Variants in PEAK1 observed in about 807,000 individuals in gnomAD.
The protein encoded by PEAK1 is inactive tyrosine-protein kinase PEAK1.
PEAK1 carries 54 observed loss-of-function variants against 124.7 expected under a neutral mutation model. The ratio of observed to expected loss-of-function variants is 0.43; its 90% CI spans 0.35 to 0.54. The LOEUF (loss-of-function observed/expected upper bound fraction) is 0.54, where lower values mean the gene tolerates loss of function less well. Among genes scored for constraint, PEAK1 ranks in the 20% least tolerant of loss-of-function variants. The probability of loss-of-function intolerance (pLI) is 0.01; values close to 1 mark genes in which losing one functional copy is unlikely to be tolerated. For synonymous variants in PEAK1, 719 were observed against 760.0 expected (o/e 0.95, Z 0.89); for missense variants, 2,046 against 2,134.5 (o/e 0.96, Z 0.82).
At chr15:77,154,172 T>C (rs575169043) in intron 8 of PEAK1, among the ~76,000 whole-genome samples, 1 of 152,354 alleles carries the variant, frequency 6.6e-6, no homozygotes, top group East Asian at 1.9e-4. Flanking sequence ...GGTGCTCCTG[T>C]ATTGGGTGCA....
chr15:77,185,352 G>T (rs938123913), intron 6 of PEAK1, among the ~76,000 whole-genome samples: 21 of 152,192 alleles, frequency 1.4e-4, no homozygotes, highest in African/African-American at 5.1e-4. Flanking sequence ...AGGCCGAAAA[G>T]AAAATAGTGA....
intron 2 of PEAK1, among the ~76,000 whole-genome samples, chr15:77,290,544 T>C (rs914729696): frequency 1.3e-5 from 2 of 151,952 alleles, no homozygotes; most frequent in Admixed American, 6.6e-5. Flanking sequence ...TAAGCCACCT[T>C]GCCCAGCTTC....
chr15:77,213,303 A>T (rs2058989944), intron 6 of PEAK1, among the ~76,000 whole-genome samples: 1 of 152,178 alleles, frequency 6.6e-6, no homozygotes, highest in Non-Finnish European at 1.5e-5. Context: ...AAACACAGAA[A>T]ATGATAATTA....
chr15:77,350,104 A>G, intron 2 of PEAK1: 1 of 985,412 alleles, frequency 1.0e-6, no homozygotes, highest in Non-Finnish European at 1.2e-6. Flanking sequence ...CATACCCCCA[A>G]ATAGGTCTCT....
intron 2 of PEAK1, chr15:77,348,081 C>A (rs2066978132): frequency 1.0e-6 from 1 of 982,708 alleles, no homozygotes; most frequent in Non-Finnish European, 1.2e-6. Flanking sequence ...TTTGGTCAGA[C>A]ATTATTCATC....
chr15:77,225,629 ATGTG>A lies in PEAK1; in HGVS notation c.-115+26734_-115+26737del, dbSNP rs146458404. Among the ~76,000 whole-genome samples, 345 of 115,702 alleles carry A rather than the reference ATGTG, an allele frequency of 3.0e-3. 3 individuals are homozygous for A. Among genetic ancestry groups the A allele is most frequent in the East Asian group, 7.9e-3 (33 of 4,200 alleles). The allele number at this position is 115,702 out of a possible 152,430, so 75.9% of individuals were successfully genotyped here. A position where few individuals can be genotyped will look rare whatever the true frequency, so the allele number is the denominator to read the frequency against. ...GAAATCTGAGCAAGACTTTCTACAGATGTGTGTGTGTGTGTGTGTGTGTGTGTGT... is the reference window on the plus strand; with the variant it reads ...GAAATCTGAGCAAGACTTTCTACAGATGTGTGTGTGTGTGTGTGTGTGTGT... On this transcript the variant is annotated intron_variant, in intron 6 of 9. Coordinates refer to ENST00000682557, the MANE Select transcript of PEAK1 (RefSeq NM_001385026.1).
At chr15:77,351,013 T>TTCTCTA in intron 2 of PEAK1, 2 of 916,532 alleles carry the variant, frequency 2.2e-6, no homozygotes, top group Non-Finnish European at 2.6e-6. Flanking sequence ...CTATTGGTAT[T>TTCTCTA]AGAGAAATAC....
chr15:77,222,307 G>C (rs2152880530), intron 6 of PEAK1, among the ~76,000 whole-genome samples: 1 of 151,960 alleles, frequency 6.6e-6, no homozygotes, highest in South Asian at 2.1e-4. Flanking sequence ...GCCTCACACT[G>C]AGAAAATTAA....
At chr15:77,278,261 A>G (rs938064400) in intron 5 of PEAK1, among the ~76,000 whole-genome samples, 2 of 152,214 alleles carry the variant, frequency 1.3e-5, no homozygotes, top group African/African-American at 4.8e-5. Flanking sequence ...ACAATGGAAC[A>G]CTACTCAGCA....
chr15:77,166,849 T>C (rs2056136525), intron 7 of PEAK1, among the ~76,000 whole-genome samples: 1 of 152,158 alleles, frequency 6.6e-6, no homozygotes, highest in Non-Finnish European at 1.5e-5. Context: ...AAAGCAGGAT[T>C]CAAACCCAGG....
chr15:77,416,943 T>C (rs147086196), intron 1 of PEAK1, among the ~76,000 whole-genome samples: 2 of 152,328 alleles, frequency 1.3e-5, no homozygotes, highest in African/African-American at 4.8e-5. Flanking sequence ...AAATTTTAAA[T>C]TGTATATGTA....
At position 77,181,411 on chromosome 15, in the gene PEAK1, G is replaced by C; in HGVS notation, c.516C>G (p.Ser172=). The C allele has an allele frequency of 6.2e-7, 1 of 1,614,114 alleles. No homozygotes were observed. The highest frequency in any genetic ancestry group is 8.5e-7 in the Non-Finnish European group (1 of 1,180,024). ...TTATTCTTCCCAAGAATGTTTCTCTGGAGTTTGTTTCATTTCCTCTTATCT... is the reference window on the plus strand; with the variant it reads ...TTATTCTTCCCAAGAATGTTTCTCTCGAGTTTGTTTCATTTCCTCTTATCT... ...APQIRGNETN[S]RETFLGRIND... The change falls in exon 7 of 10, where the codon TCC becomes TCG. Residue 172 remains serine (S), a synonymous_variant. Coordinates refer to ENST00000682557, the MANE Select transcript of PEAK1 (RefSeq NM_001385026.1).
chr15:77,161,871 C>A lies in PEAK1; in HGVS notation c.3138-3175G>T, dbSNP rs986741409. On this transcript the variant is annotated intron_variant, in intron 7 of 9. Coordinates refer to ENST00000682557, the MANE Select transcript of PEAK1 (RefSeq NM_001385026.1). Reference sequence around the variant, plus strand: ...ATCCCAGCTACTCGGGAGGCTGAGGCAGGACAATTGCTTGAACTCAGGGGG... The same window carrying A: ...ATCCCAGCTACTCGGGAGGCTGAGGAAGGACAATTGCTTGAACTCAGGGGG... Among the ~76,000 whole-genome samples the A allele has an allele frequency of 2.7e-5, 4 of 147,056 alleles. No individual in the cohort carries two copies. The East Asian group carries it at 8.0e-4, about 29-fold the overall frequency.
At position 77,387,414 on chromosome 15, in the gene PEAK1, C is replaced by T. The variant is rs987381777; in HGVS notation, c.-665-22189G>A. ...ATATTTGTCTTTATGCACATCTTAC[C>T]TTTTGTTTAAGGCAAAACAGATGGA... On this transcript the variant is annotated intron_variant, in intron 1 of 9. Transcript: ENST00000682557. Among the ~76,000 whole-genome samples the T allele has an allele frequency of 2.6e-5, 4 of 152,142 alleles. No homozygotes were observed. In the East Asian group the frequency reaches 7.7e-4, roughly 29 times the overall value.
chr15:77,418,362 G>A, intron 1 of PEAK1: 1 of 984,948 alleles, frequency 1.0e-6, no homozygotes, highest in Middle Eastern at 5.2e-4. Flanking sequence ...CCCACATAAT[G>A]TAGTCATGTT....
At chr15:77,260,935 A>G (rs1256224283) in intron 5 of PEAK1, among the ~76,000 whole-genome samples, 1 of 152,182 alleles carries the variant, frequency 6.6e-6, no homozygotes, top group Non-Finnish European at 1.5e-5. Context: ...TTCCAGAGGA[A>G]TGATCAGGCA....
At chr15:77,349,402 A>G (rs1052209058) in intron 2 of PEAK1, 7 of 979,828 alleles carry the variant, frequency 7.1e-6, no homozygotes, top group Non-Finnish European at 8.5e-6. Flanking sequence ...GTTGTATTTA[A>G]GAGAGTCAAT....
At chr15:77,333,780 T>C (rs2066030809) in intron 2 of PEAK1, 1 of 897,202 alleles carries the variant, frequency 1.1e-6, no homozygotes, top group African/African-American at 1.8e-5. Context: ...TCTTAGTCAA[T>C]ATCATATGGT....
At chr15:77,178,262 C>A (rs567198576) in intron 7 of PEAK1, 1 of 153,104 alleles carries the variant, frequency 6.5e-6, no homozygotes, top group Admixed American at 6.5e-5. Context: ...TTGCTTACCA[C>A]CCTCCATTTT....
Sources: gnomAD v4.1 joint callset for allele counts (sites outside exome capture counted in the v4.1 genomes callset) on GRCh38, gnomAD v4.1.1 for gene constraint, MANE v1.5 for transcripts, NCBI Gene and HGNC (gene_info 2026-07-23, HGNC 2026-07-21) for gene names.